Variants in NMRAL1 observed in about 807,000 individuals in gnomAD.
The protein encoded by NMRAL1 is nmrA-like family domain-containing protein 1.
NMRAL1 carries 32 observed loss-of-function variants against 27.5 expected under a neutral mutation model. That is an observed-to-expected ratio of 1.16 (90% CI 0.88 to 1.56). The LOEUF (loss-of-function observed/expected upper bound fraction) is 1.56, where lower values mean the gene tolerates loss of function less well. NMRAL1 is among the 40% of genes most tolerant of loss of function. The pLI is 0.00. For synonymous variants in NMRAL1, 166 were observed against 166.8 expected (o/e 1.00, Z 0.04); for missense variants, 420 against 392.0 (o/e 1.07, Z -0.60).
chr16:4,463,116 A>G (rs1354115154), intron 5 of NMRAL1, among the ~76,000 whole-genome samples: 1 of 152,090 alleles, frequency 6.6e-6, no homozygotes, highest in Admixed American at 6.6e-5. Flanking sequence ...CGGCCTCCCA[A>G]AGTGCTGGGA....
At chr16:4,474,016 T>A in intron 2 of NMRAL1, 77 bp downstream of exon 2, 1 of 1,207,688 alleles carries the variant, frequency 8.3e-7, no homozygotes, top group South Asian at 1.3e-5. Context: ...TACCCCTCCC[T>A]GCAGACCCCA....
intron 4 of NMRAL1, 123 bp downstream of exon 4, chr16:4,466,030 G>C: frequency 8.5e-7 from 1 of 1,171,992 alleles, no homozygotes. Context: ...CTCAGTCCTG[G>C]GCCTAACGTG....
chr16:4,461,878 G>A lies in NMRAL1; in HGVS notation c.802C>T (p.Pro268Ser), dbSNP rs777718263. The change falls in exon 6 of 6, where the codon CCC (proline) becomes TCC (serine). Residue 268 changes from proline (P) to serine (S), a missense_variant. Physicochemically the swap from Pro to Ser is moderately conservative, Grantham distance 74. Transcript: ENST00000283429. ...AGGGTCAGCTCGATGTCACGGTCGG[G>A]TCTCAGGGCATAGAAACGGAACATG... is the stretch of plus-strand genomic sequence containing the variant. Reference protein sequence around the residue: ...ANMFRFYALRPDRDIELTLRL... With the variant: ...ANMFRFYALRSDRDIELTLRL... The A allele has an allele frequency of 1.2e-6, 2 of 1,614,222 alleles. No individual in the cohort carries two copies. Among genetic ancestry groups the A allele is most frequent in the South Asian group, 2.2e-5 (2 of 91,092 alleles).
rs531039801 is a variant in NMRAL1 at position 4,464,852 on chromosome 16, G to A, written c.530-1002C>T. Among the ~76,000 whole-genome samples, 6 of 151,834 alleles carry A rather than the reference G, an allele frequency of 4.0e-5. No homozygotes were observed. In the South Asian group the frequency reaches 1.2e-3, roughly 32 times the overall value. ...TGATGGTCTCGATCTCCTGAACCTCGTGATCCGCCCTCCTCGGCCTCCCAA... is the reference window on the plus strand; with the variant it reads ...TGATGGTCTCGATCTCCTGAACCTCATGATCCGCCCTCCTCGGCCTCCCAA... On this transcript the variant is annotated intron_variant, in intron 4 of 5. Transcript: ENST00000283429.
At position 4,461,736 on chromosome 16, in the gene NMRAL1, C is replaced by A. The variant is rs762417179; in HGVS notation, c.*44G>T. The A allele has an allele frequency of 1.3e-6, 2 of 1,546,516 alleles. No homozygotes were observed. The highest frequency in any genetic ancestry group is 1.4e-5 in the African/African-American group (1 of 72,414). Reference sequence around the variant, plus strand: ...TATTCAGATGTTGGTGCCTCTGCCCCTCTGGTGCCCCCGATCCCCACAAGG... The same window carrying A: ...TATTCAGATGTTGGTGCCTCTGCCCATCTGGTGCCCCCGATCCCCACAAGG... On this transcript the variant is annotated 3_prime_UTR_variant, in exon 6 of 6. Coordinates refer to ENST00000283429, the MANE Select transcript of NMRAL1 (RefSeq NM_020677.6).
intron 2 of NMRAL1, among the ~76,000 whole-genome samples, chr16:4,472,271 G>A (rs375412967): frequency 1.6e-4 from 25 of 151,994 alleles, no homozygotes; most frequent in African/African-American, 5.3e-4. Flanking sequence ...GTGAAACCCC[G>A]TCTCTACTAA....
chr16:4,469,524 C>A (rs753075659), intron 2 of NMRAL1, 59 bp from the exon 3 acceptor site: 3 of 1,603,372 alleles, frequency 1.9e-6, no homozygotes, highest in Non-Finnish European at 2.6e-6. Context: ...CACTGAAGGG[C>A]GAAACCCCGA....
intron 2 of NMRAL1, among the ~76,000 whole-genome samples, chr16:4,469,944 C>G (rs867380540): frequency 6.6e-6 from 1 of 151,146 alleles, no homozygotes; most frequent in African/African-American, 2.4e-5. Flanking sequence ...CCGAGTGGAT[C>G]ACCAGGTAAG....
chr16:4,472,647 G>A (rs2057612785), intron 2 of NMRAL1, among the ~76,000 whole-genome samples: 1 of 151,316 alleles, frequency 6.6e-6, no homozygotes, highest in African/African-American at 2.4e-5. Context: ...AGGAGGGTGA[G>A]ACAGGAGAAT....
At chr16:4,466,038 G>A (rs147492298) in intron 4 of NMRAL1, 115 bp downstream of exon 4, 1,454 of 1,311,938 alleles carry the variant, frequency 1.1e-3, no homozygotes, top group Non-Finnish European at 1.4e-3. Flanking sequence ...TGGGCCTAAC[G>A]TGAGGGAGCC....
chr16:4,464,119 G>C, intron 4 of NMRAL1: 1 of 519,076 alleles, frequency 1.9e-6, no homozygotes, highest in South Asian at 2.8e-5. Context: ...CTAGAATGGG[G>C]CTAAGAACCT....
chr16:4,469,139 C>A, intron 3 of NMRAL1, 88 bp downstream of exon 3: 1 of 846,188 alleles, frequency 1.2e-6, no homozygotes. Context: ...GCCTGCAGTG[C>A]TCCAACCTCC....
intron 5 of NMRAL1, 51 bp from the exon 6 acceptor site, chr16:4,462,010 G>C: frequency 6.6e-7 from 1 of 1,522,198 alleles, no homozygotes; most frequent in Non-Finnish European, 9.0e-7. Context: ...GCCCCGGGAG[G>C]TGGCGGGGCA....
rs1447163931 is a variant in NMRAL1 at position 4,461,898 on chromosome 16, A to C, written c.782T>G (p.Phe261Cys). ...FPGARDLANM[F>C]RFYALRPDRD... The stretch of plus-strand genomic sequence containing the variant: ...GTCGGGTCTCAGGGCATAGAAACGG[A>C]ACATGTTGGCCAGGTCCCGGGCACC... Residue 261 changes from phenylalanine to cysteine, a missense_variant, in exon 6 of 6, where the codon TTC becomes TGC. By Grantham distance (205) the Phe-to-Cys change is radical. Coordinates refer to ENST00000283429, the MANE Select transcript of NMRAL1 (RefSeq NM_020677.6). The C allele has an allele frequency of 1.2e-6, 2 of 1,614,028 alleles. No homozygotes were observed. The highest frequency in any genetic ancestry group is 2.7e-5 in the African/African-American group (2 of 74,918).
intron 4 of NMRAL1, among the ~76,000 whole-genome samples, chr16:4,464,832 G>C (rs562516633): frequency 6.6e-6 from 1 of 151,956 alleles, no homozygotes; most frequent in African/African-American, 2.4e-5. Flanking sequence ...AGCCATGATG[G>C]TCTCGATCTC....
intron 4 of NMRAL1, among the ~76,000 whole-genome samples, chr16:4,465,583 T>G (rs1355595960): frequency 6.6e-6 from 1 of 152,204 alleles, no homozygotes; most frequent in Non-Finnish European, 1.5e-5. Flanking sequence ...TTGTTTGTTT[T>G]GAGACGGAGT....
rs774987013 is a variant in NMRAL1, at chr16:4,461,884, G to T, written c.796C>A (p.Leu266Met). The T allele has an allele frequency of 6.2e-7, 1 of 1,614,216 alleles. No homozygotes were observed. The highest frequency in any genetic ancestry group is 8.5e-7 in the Non-Finnish European group (1 of 1,180,030). ...AGCTCGATGTCACGGTCGGGTCTCA[G>T]GGCATAGAAACGGAACATGTTGGCC... Reference protein sequence around the residue: ...DLANMFRFYALRPDRDIELTL... With the variant: ...DLANMFRFYAMRPDRDIELTL... Residue 266 changes from leucine to methionine, a missense_variant, in exon 6 of 6, where the codon CTG becomes ATG. Leu to Met is a conservative substitution (Grantham distance 15). Coordinates refer to ENST00000283429, the MANE Select transcript of NMRAL1 (RefSeq NM_020677.6).
intron 2 of NMRAL1, among the ~76,000 whole-genome samples, chr16:4,472,057 A>G (rs922384562): frequency 6.6e-6 from 1 of 152,148 alleles, no homozygotes; most frequent in African/African-American, 2.4e-5. Context: ...CCTGGGCAAC[A>G]GAGCAAGACC....
chr16:4,464,724 C>T, intron 4 of NMRAL1, among the ~76,000 whole-genome samples: 1 of 150,006 alleles, frequency 6.7e-6, no homozygotes. Flanking sequence ...ACACCATTCT[C>T]CTGCCTCAGC....
Sources: gnomAD v4.1 joint callset for allele counts (sites outside exome capture counted in the v4.1 genomes callset) on GRCh38, gnomAD v4.1.1 for gene constraint, MANE v1.5 for transcripts, NCBI Gene and HGNC (gene_info 2026-07-23, HGNC 2026-07-21) for gene names.